ZFHX3: variants seen among roughly 807,000 people sequenced by gnomAD.
ZFHX3 encodes zinc finger homeobox 3.
A neutral mutation model predicts 279.1 loss-of-function variants in ZFHX3; 42 were observed. The observed-to-expected ratio is 0.15, with a 90% CI of 0.12 to 0.19. The LOEUF (loss-of-function observed/expected upper bound fraction) is 0.19. ZFHX3 is among the 10% of genes least tolerant of loss of function. The pLI is 1.00. For missense variants in ZFHX3, 4,981 were observed against 4,754.0 expected, an observed-to-expected ratio of 1.05 and a Z score of -1.40; for synonymous variants, 2,293 against 1,957.8, an observed-to-expected ratio of 1.17 and a Z score of -4.52.
At chr16:73,334,896 G>A (rs2015883578) in intron 3 of ZFHX3, among the ~76,000 whole-genome samples, 1 of 107,982 alleles carries the variant, frequency 9.3e-6, no homozygotes, top group African/African-American at 3.6e-5. Flanking sequence ...CCACCCTAAT[G>A]TTGATGGCTT....
intron 2 of ZFHX3, among the ~76,000 whole-genome samples, chr16:73,661,391 G>A (rs1172259925): frequency 1.3e-5 from 2 of 152,182 alleles, no homozygotes; most frequent in East Asian, 3.8e-4. Context: ...TCAACAGTTG[G>A]ATACATCATA....
chr16:72,959,374 T>C lies in ZFHX3; in HGVS notation c.772A>G (p.Lys258Glu). The C allele has an allele frequency of 6.2e-7, 1 of 1,614,234 alleles. No homozygotes were observed. Among genetic ancestry groups the C allele is most frequent in the Non-Finnish European group, 8.5e-7 (1 of 1,180,040 alleles). Residue 258 changes from lysine (K) to glutamate (E), a missense_variant, in exon 2 of 10, where the codon AAA (lysine) becomes GAA (glutamate). Lys to Glu is a moderately conservative substitution (Grantham distance 56, BLOSUM62 1). Around this residue, in one of 7 missense-constraint regions of ZFHX3, gnomAD observed 1,068 missense variants for 935.2 expected, o/e 1.14. Transcript: ENST00000268489. Reference sequence around the variant, plus strand: ...AGGTCCACATTGTTGGGAACATCTTTGGATACGCAGGAGCTTTTGGCAGAA... The same window carrying C: ...AGGTCCACATTGTTGGGAACATCTTCGGATACGCAGGAGCTTTTGGCAGAA... Reference protein sequence around the residue: ...DGSAKSSCVSKDVPNNVDLSK... With the variant: ...DGSAKSSCVSEDVPNNVDLSK...
At chr16:73,593,734 C>T (rs575262578) in intron 2 of ZFHX3, among the ~76,000 whole-genome samples, 78 of 152,164 alleles carry the variant, frequency 5.1e-4, no homozygotes, top group Admixed American at 1.1e-3. Flanking sequence ...CAATCTTTTA[C>T]GGACACTGAG....
At chr16:73,006,282 A>G (rs1963698956) in intron 1 of ZFHX3, 1 of 152,168 alleles carries the variant, frequency 6.6e-6, no homozygotes, top group Admixed American at 6.6e-5. Flanking sequence ...TCCTCTTTCA[A>G]GCTTGAGTTT....
intron 2 of ZFHX3, among the ~76,000 whole-genome samples, chr16:73,677,943 A>G (rs945118832): frequency 2.6e-5 from 4 of 152,102 alleles, no homozygotes; most frequent in African/African-American, 9.6e-5. Context: ...ATGTCCTCCA[A>G]TGGAATGACT....
chr16:72,970,187 T>G (rs968154524), intron 1 of ZFHX3, among the ~76,000 whole-genome samples: 34 of 151,670 alleles, frequency 2.2e-4, no homozygotes, highest in African/African-American at 8.2e-4. Flanking sequence ...CCAGTCTGTG[T>G]GTACTTAGAG....
intron 1 of ZFHX3, among the ~76,000 whole-genome samples, chr16:73,044,141 CT>C (rs1335721730): frequency 3.4e-5 from 4 of 116,132 alleles, no homozygotes; most frequent in Admixed American, 3.1e-4. Context: ...CCCATTTCCC[CT>C]GACCATAGTT....
chr16:73,519,385 C>CTATT (rs1384664453), intron 2 of ZFHX3, among the ~76,000 whole-genome samples: 5 of 151,896 alleles, frequency 3.3e-5, no homozygotes, highest in African/African-American at 1.2e-4. Flanking sequence ...TCTAAAATAC[C>CTATT]TATTTATTTA....
intron 1 of ZFHX3, among the ~76,000 whole-genome samples, chr16:73,757,698 G>GTAT (rs1380223866): frequency 2.0e-5 from 3 of 152,148 alleles, no homozygotes; most frequent in African/African-American, 7.2e-5. Flanking sequence ...TATGTAAATG[G>GTAT]TATTATTATT....
chr16:73,360,993 A>G (rs2016424722), intron 3 of ZFHX3, among the ~76,000 whole-genome samples: 1 of 152,190 alleles, frequency 6.6e-6, no homozygotes, highest in Admixed American at 6.5e-5. Context: ...GAAAAAGCAA[A>G]AACACACACA....
upstream of ZFHX3, among the ~76,000 whole-genome samples, chr16:73,063,125 G>A (rs1037020762): frequency 2.0e-5 from 3 of 152,186 alleles, no homozygotes; most frequent in African/African-American, 4.8e-5. Flanking sequence ...CCGCGCGGAG[G>A]AGGCGGGCTG....
intron 7 of ZFHX3, chr16:73,098,956 C>G (rs1438880946): frequency 1.3e-5 from 2 of 152,212 alleles, no homozygotes; most frequent in African/African-American, 4.8e-5. Flanking sequence ...AATTAAGAAA[C>G]AGAATCACCT....
rs746589767 is a variant in ZFHX3, at chr16:72,958,520, G to A, written c.1626C>T (p.Thr542=). Reference sequence around the variant, plus strand: ...TAGTAGAAGCTGTGCCCCTCGACAGGGTCTGGAGCACGTTAGGCATTAAGG... The same window carrying A: ...TAGTAGAAGCTGTGCCCCTCGACAGAGTCTGGAGCACGTTAGGCATTAAGG... ...NSPLMPNVLQ[T]LSRGTASTSS... is the part of the protein sequence containing the mutation. The change falls in exon 2 of 10, where the codon ACC becomes ACT. Residue 542 remains threonine (T), a synonymous_variant. Coordinates refer to ENST00000268489, the MANE Select transcript of ZFHX3 (RefSeq NM_006885.4). 1 of 1,614,038 alleles carries A rather than the reference G, an allele frequency of 6.2e-7. No homozygotes were observed. Among genetic ancestry groups the A allele is most frequent in the Non-Finnish European group, 8.5e-7 (1 of 1,180,034 alleles).
intron 3 of ZFHX3, among the ~76,000 whole-genome samples, chr16:73,421,632 G>A (rs765654533): frequency 3.9e-5 from 6 of 152,170 alleles, no homozygotes; most frequent in Non-Finnish European, 7.3e-5. Context: ...ATTCTAGGCA[G>A]GAGAACCTAA....
Position 73,503,883 on chromosome 16 carries a change from G to A in ZFHX3, c.-1546-47625C>T, listed in dbSNP as rs534644117. Among the ~76,000 whole-genome samples, 23 of 152,256 alleles carry A rather than the reference G, an allele frequency of 1.5e-4. No homozygotes were observed. The Middle Eastern group carries it at 0.01, about 68-fold the overall frequency. Reference sequence around the variant, plus strand: ...ATCCTGAAGGAATGAAACGAGGTTTGTGCTCCTCTGAGGAAGAAACTAGGG... The same window carrying A: ...ATCCTGAAGGAATGAAACGAGGTTTATGCTCCTCTGAGGAAGAAACTAGGG... On this transcript the variant is annotated intron_variant, in intron 2 of 17. Transcript: ENST00000641206.
intron 1 of ZFHX3, among the ~76,000 whole-genome samples, chr16:73,806,360 G>T (rs1960275666): frequency 6.6e-6 from 1 of 152,366 alleles, no homozygotes; most frequent in Middle Eastern, 3.4e-3. Flanking sequence ...GAGCAGCAGG[G>T]AAGCCGGTGT....
At chr16:73,636,617 A>C (rs1434379073) in intron 2 of ZFHX3, among the ~76,000 whole-genome samples, 1 of 152,214 alleles carries the variant, frequency 6.6e-6, no homozygotes, top group Admixed American at 6.5e-5. Flanking sequence ...TATATTAGCA[A>C]TAACCAGTTC....
chr16:72,928,403 G>A (rs1959605783), intron 3 of ZFHX3, among the ~76,000 whole-genome samples: 1 of 152,002 alleles, frequency 6.6e-6, no homozygotes, highest in African/African-American at 2.4e-5. Flanking sequence ...CAGGACTGGA[G>A]ATTTGAATAC....
At chr16:73,647,568 T>C (rs375353327) in intron 2 of ZFHX3, among the ~76,000 whole-genome samples, 1 of 152,178 alleles carries the variant, frequency 6.6e-6, no homozygotes, top group Admixed American at 6.5e-5. Flanking sequence ...CTGTTAAGCC[T>C]GTGGAACTGT....
Sources: gnomAD v4.1 joint callset for allele counts (sites outside exome capture counted in the v4.1 genomes callset) on GRCh38, gnomAD v4.1.1 for gene constraint, gnomAD v4.1.1 regional missense constraint, MANE v1.5 for transcripts, NCBI Gene and HGNC (gene_info 2026-07-23, HGNC 2026-07-21) for gene names.